LARGE1: variants seen among roughly 807,000 people sequenced by gnomAD.
LARGE1 encodes the protein LARGE xylosyl- and glucuronyltransferase 1.
Under a neutral mutation model 87.6 loss-of-function variants are expected in LARGE1, and 43 were observed. That is an observed-to-expected ratio of 0.49 (90% CI 0.38 to 0.63). The LOEUF is 0.63. Among genes scored for constraint, LARGE1 ranks in the 30% least tolerant of loss-of-function variants. The probability of loss-of-function intolerance (pLI) is 0.00; values close to 1 mark genes in which losing one functional copy is unlikely to be tolerated. For missense variants in LARGE1, 802 were observed against 1,000.2 expected, an observed-to-expected ratio of 0.80 and a Z score of 2.67; for synonymous variants, 434 against 394.6, an observed-to-expected ratio of 1.10 and a Z score of -1.18.
chr22:33,556,434 C>T (rs1376098609), intron 6 of LARGE1, among the ~76,000 whole-genome samples: 4 of 151,072 alleles, frequency 2.6e-5, no homozygotes, highest in African/African-American at 4.9e-5. Context: ...GGGCCTAGGG[C>T]AGGCCAAGAG....
At chr22:33,374,438 A>T (rs1458828459) in intron 9 of LARGE1, among the ~76,000 whole-genome samples, 1 of 152,224 alleles carries the variant, frequency 6.6e-6, no homozygotes, top group African/African-American at 2.4e-5. Context: ...AAGCACTAAG[A>T]TTCCACGTAA....
rs386395258 is a variant in LARGE1, at chr22:33,205,948, C to CTTTTTTTTT, written c.1731-39125_1731-39117dup. Among the ~76,000 whole-genome samples, 173 of 84,940 alleles carry CTTTTTTTTT rather than the reference C, an allele frequency of 2.0e-3. 2 individuals are homozygous for CTTTTTTTTT. Among genetic ancestry groups the CTTTTTTTTT allele is most frequent in the Non-Finnish European group, 3.0e-3 (140 of 46,068 alleles). 55.7% of individuals were successfully genotyped at this position (84,940 alleles called of 152,430 possible). A position where few individuals can be genotyped will look rare whatever the true frequency, so the allele number is the denominator to read the frequency against. ...TGCCCACTACCATGCCATGCTAATTCTTTTTTTTTTTTTTTTTTTTTTGTG... is the reference window on the plus strand; with the variant it reads ...TGCCCACTACCATGCCATGCTAATTCTTTTTTTTTTTTTTTTTTTTTTTTTTTTTTTGTG... On this transcript the variant is annotated intron_variant, in intron 11 of 11. Transcript: ENST00000608642.
intron 6 of LARGE1, among the ~76,000 whole-genome samples, chr22:33,533,615 C>T (rs888550664): frequency 9.2e-5 from 14 of 152,116 alleles, no homozygotes; most frequent in Admixed American, 3.9e-4. Context: ...AATATCAAGT[C>T]GGGAAACGTT....
chr22:33,229,128 G>C (rs994892452), intron 11 of LARGE1, among the ~76,000 whole-genome samples: 2 of 152,130 alleles, frequency 1.3e-5, no homozygotes, highest in African/African-American at 4.8e-5. Flanking sequence ...GTCCAAATAA[G>C]AAATAAAGAC....
intron 9 of LARGE1, among the ~76,000 whole-genome samples, chr22:33,350,850 A>G (rs1474125095): frequency 6.6e-6 from 1 of 152,192 alleles, no homozygotes; most frequent in East Asian, 1.9e-4. Flanking sequence ...CTGACCAGTG[A>G]GTCATTCCTG....
intron 11 of LARGE1, among the ~76,000 whole-genome samples, chr22:33,311,754 A>T (rs1935621918): frequency 1.3e-5 from 2 of 152,182 alleles, no homozygotes; most frequent in Non-Finnish European, 1.5e-5. Flanking sequence ...TGCCTTCGTA[A>T]GGATGTTCAG....
chr22:33,519,971 T>C (rs761765296), intron 6 of LARGE1, among the ~76,000 whole-genome samples: 19 of 152,024 alleles, frequency 1.2e-4, no homozygotes, highest in Non-Finnish European at 1.6e-4. Context: ...AAGAGACTGT[T>C]CGTCTATCTG....
At chr22:33,767,307 G>A (rs1037555553) in intron 1 of LARGE1, among the ~76,000 whole-genome samples, 1 of 151,634 alleles carries the variant, frequency 6.6e-6, no homozygotes, top group Admixed American at 6.6e-5. Context: ...GGGCGACAGA[G>A]CAAGACTCCA....
At position 33,662,925 on chromosome 22, in the gene LARGE1, T is replaced by C. The variant is rs2149237724; in HGVS notation, c.107-12257A>G. Among the ~76,000 whole-genome samples the C allele has an allele frequency of 2.0e-5, 3 of 152,342 alleles. No individual in the cohort carries two copies. The Middle Eastern group carries it at 0.01, about 518-fold the overall frequency. On this transcript the variant is annotated intron_variant, in intron 2 of 14. Coordinates refer to ENST00000397394, the MANE Select transcript of LARGE1 (RefSeq NM_133642.5). ...GCCTGTAAGTGACTGTCCTCCTTTT[T>C]CCTATCTTCTTTTCCTTCTTCACAG...
intron 6 of LARGE1, among the ~76,000 whole-genome samples, chr22:33,460,256 T>C (rs1278668537): frequency 6.6e-6 from 1 of 152,180 alleles, no homozygotes; most frequent in African/African-American, 2.4e-5. Flanking sequence ...TTATAATAAT[T>C]ATCTTTAACA....
intron 2 of LARGE1, among the ~76,000 whole-genome samples, chr22:33,729,141 GC>G (rs1402252975): frequency 6.6e-6 from 1 of 152,114 alleles, no homozygotes; most frequent in African/African-American, 2.4e-5. Context: ...CTTAATTCCT[GC>G]CCTCCCCCAA....
chr22:33,436,899 C>G (rs1323181674), intron 6 of LARGE1, among the ~76,000 whole-genome samples: 1 of 151,962 alleles, frequency 6.6e-6, no homozygotes, highest in African/African-American at 2.4e-5. Context: ...ATTGTAGATA[C>G]TGAAGGACTC....
At chr22:33,871,054 T>C (rs1440738948) in intron 1 of LARGE1, among the ~76,000 whole-genome samples, 1 of 152,214 alleles carries the variant, frequency 6.6e-6, no homozygotes, top group East Asian at 1.9e-4. Flanking sequence ...ACAGCCCACA[T>C]CCCTAGCCTC....
chr22:33,713,586 G>A (rs766551227), intron 2 of LARGE1, among the ~76,000 whole-genome samples: 16 of 151,190 alleles, frequency 1.1e-4, no homozygotes, highest in Non-Finnish European at 2.1e-4. Flanking sequence ...TTTTTTTTCA[G>A]GTTAAACTTT....
intron 5 of LARGE1, among the ~76,000 whole-genome samples, chr22:33,596,114 T>A (rs758858890): frequency 6.6e-6 from 1 of 152,226 alleles, no homozygotes; most frequent in Non-Finnish European, 1.5e-5. Flanking sequence ...AGTTCCTTTC[T>A]AATTAAGATT....
chr22:33,695,099 T>C (rs979586813), intron 2 of LARGE1, among the ~76,000 whole-genome samples: 1 of 143,628 alleles, frequency 7.0e-6, no homozygotes, highest in African/African-American at 2.6e-5. Context: ...ATTTTTTCTT[T>C]CTTTCTTTCT....
chr22:33,634,520 C>T (rs1388182001), intron 3 of LARGE1, among the ~76,000 whole-genome samples: 1 of 152,164 alleles, frequency 6.6e-6, no homozygotes, highest in Non-Finnish European at 1.5e-5. Context: ...GAGAGCACCA[C>T]TTTTCTTCAC....
chr22:33,546,064 G>C (rs1209771947), intron 6 of LARGE1, among the ~76,000 whole-genome samples: 2 of 152,128 alleles, frequency 1.3e-5, no homozygotes, highest in Non-Finnish European at 2.9e-5. Flanking sequence ...TCTACACTGA[G>C]GACTGATTAG....
chr22:33,349,193 T>C (rs774375287), intron 9 of LARGE1, among the ~76,000 whole-genome samples: 12 of 152,166 alleles, frequency 7.9e-5, no homozygotes, highest in Non-Finnish European at 1.2e-4. Flanking sequence ...CAGACTCAGA[T>C]TGAATTATAA....
Sources: gnomAD v4.1 joint callset for allele counts (sites outside exome capture counted in the v4.1 genomes callset) on GRCh38, gnomAD v4.1.1 for gene constraint, MANE v1.5 for transcripts, NCBI Gene and HGNC (gene_info 2026-07-23, HGNC 2026-07-21) for gene names.